Variants in MUCL1 observed in about 807,000 individuals in gnomAD.
MUCL1 encodes the protein mucin-like protein 1.
A neutral mutation model predicts 9.2 loss-of-function variants in MUCL1; 11 were observed. The ratio of observed to expected loss-of-function variants is 1.19; its 90% CI spans 0.75 to 1.97. The LOEUF (loss-of-function observed/expected upper bound fraction) is 1.97. Among genes scored for constraint, MUCL1 ranks in the 30% most tolerant of loss-of-function variants. The pLI is 0.00. For synonymous variants in MUCL1, 48 were observed against 40.5 expected (o/e 1.19, Z -0.71); for missense variants, 144 against 110.9 (o/e 1.30, Z -1.34).
upstream of MUCL1, among the ~76,000 whole-genome samples, chr12:54,852,510 G>C (rs968899787): frequency 3.3e-5 from 5 of 152,194 alleles, no homozygotes; most frequent in African/African-American, 9.7e-5. Flanking sequence ...ATTCATTCAA[G>C]ATGAAAAACT....
upstream of MUCL1, among the ~76,000 whole-genome samples, chr12:54,854,298 T>C (rs1440230958): frequency 1.3e-5 from 2 of 152,192 alleles, no homozygotes; most frequent in African/African-American, 4.8e-5. Flanking sequence ...AGAAGTTGCC[T>C]GGAGCATATT....
chr12:54,830,760 AT>A (rs1475372275), exon 1 of MUCL1: 1 of 152,140 alleles, frequency 6.6e-6, no homozygotes. Flanking sequence ...CTTGGCCTCC[AT>A]TGGGGGCTCT....
chr12:54,857,899 A>T (rs1268467294), intron 3 of MUCL1, among the ~76,000 whole-genome samples: 1 of 152,174 alleles, frequency 6.6e-6, no homozygotes, highest in Non-Finnish European at 1.5e-5. Context: ...CTCTCTTACC[A>T]GAAGAAGGCT....
rs745891351 is a variant in MUCL1, at chr12:54,854,600, C to A, written c.18C>A (p.Val6=). ...TCACCACCATGAAGTTCTTAGCAGT[C>A]CTGGTACTCTTGGGAGTTTCCATCT... is the stretch of plus-strand genomic sequence containing the variant. MKFLA[V]LVLLGVSIFL... Residue 6 remains valine (V), a synonymous_variant, in exon 1 of 4, where the codon GTC becomes GTA. Transcript: ENST00000308796. The A allele has an allele frequency of 1.2e-6, 2 of 1,613,494 alleles. No individual in the cohort carries two copies. Among genetic ancestry groups the A allele is most frequent in the Non-Finnish European group, 1.7e-6 (2 of 1,179,604 alleles).
upstream of MUCL1, among the ~76,000 whole-genome samples, chr12:54,852,176 CA>C (rs1313033244): frequency 6.6e-6 from 1 of 152,042 alleles, no homozygotes; most frequent in African/African-American, 2.4e-5. Context: ...CATATGGAAG[CA>C]AAAAAGAGCC....
chr12:54,836,050 G>A (rs1045062682), upstream of MUCL1, among the ~76,000 whole-genome samples: 3 of 151,906 alleles, frequency 2.0e-5, no homozygotes, highest in Non-Finnish European at 2.9e-5. Context: ...TTCTTTTTTT[G>A]TTGTTATGTC....
intron 1 of MUCL1, chr12:54,830,959 C>G (rs1342357594): frequency 1.3e-5 from 2 of 152,170 alleles, no homozygotes; most frequent in Non-Finnish European, 2.9e-5. Context: ...CAAAGAAAGT[C>G]TTAAAAATGT....
chr12:54,853,346 C>T (rs964324091), upstream of MUCL1, among the ~76,000 whole-genome samples: 1 of 152,106 alleles, frequency 6.6e-6, no homozygotes, highest in African/African-American at 2.4e-5. Flanking sequence ...TGTTTTCCTC[C>T]CTTGCTGTCT....
chr12:54,852,182 A>T (rs1868255327), upstream of MUCL1, among the ~76,000 whole-genome samples: 1 of 152,234 alleles, frequency 6.6e-6, no homozygotes, highest in African/African-American at 2.4e-5. Context: ...GAAGCAAAAA[A>T]GAGCCCACAT....
At chr12:54,849,737 AT>A (rs994670315), upstream of MUCL1, among the ~76,000 whole-genome samples, 24 of 152,128 alleles carry the variant, frequency 1.6e-4, no homozygotes, top group African/African-American at 5.8e-4. Context: ...TAATGAACAA[AT>A]TTGGTGTTAG....
At chr12:54,835,155 G>A (rs546523395), upstream of MUCL1, among the ~76,000 whole-genome samples, 20 of 152,078 alleles carry the variant, frequency 1.3e-4, 1 homozygote, top group South Asian at 2.3e-3. Context: ...TCACTCATTC[G>A]TTGATGGGCA....
At chr12:54,850,628 A>G (rs1215700651), upstream of MUCL1, among the ~76,000 whole-genome samples, 1 of 152,130 alleles carries the variant, frequency 6.6e-6, no homozygotes, top group Non-Finnish European at 1.5e-5. Flanking sequence ...ATACGTGTGC[A>G]TGTGTCTTTT....
chr12:54,853,377 A>G (rs542964337), upstream of MUCL1, among the ~76,000 whole-genome samples: 3 of 152,242 alleles, frequency 2.0e-5, no homozygotes, highest in Admixed American at 2.0e-4. Flanking sequence ...GCTTGGCTCC[A>G]TTATGACAAA....
chr12:54,856,942 C>T, intron 3 of MUCL1, 50 bp downstream of exon 3: 2 of 1,611,022 alleles, frequency 1.2e-6, no homozygotes, highest in Non-Finnish European at 1.7e-6. Flanking sequence ...CTCCTTGATT[C>T]CTTGGGTTCT....
At chr12:54,831,082 C>A (rs985701663) in intron 1 of MUCL1, among the ~76,000 whole-genome samples, 2 of 152,048 alleles carry the variant, frequency 1.3e-5, no homozygotes, top group Non-Finnish European at 2.9e-5. Context: ...TTTATATAAA[C>A]CAGAGAGTTT....
At chr12:54,834,663 CATT>C (rs1364544966), upstream of MUCL1, among the ~76,000 whole-genome samples, 1 of 151,884 alleles carries the variant, frequency 6.6e-6, no homozygotes, top group African/African-American at 2.4e-5. Flanking sequence ...AATACAGTAT[CATT>C]AATCATAATG....
At chr12:54,847,249 A>G (rs1346109323) in intron 1 of MUCL1, among the ~76,000 whole-genome samples, 1 of 152,188 alleles carries the variant, frequency 6.6e-6, no homozygotes, top group Non-Finnish European at 1.5e-5. Flanking sequence ...AATAGTGTTG[A>G]GCAATGAACC....
At chr12:54,851,503 G>T (rs11609301), upstream of MUCL1, among the ~76,000 whole-genome samples, 17 of 152,164 alleles carry the variant, frequency 1.1e-4, no homozygotes, top group African/African-American at 4.1e-4. Flanking sequence ...TTGATGGGAC[G>T]TATCTCAAAA....
intron 3 of MUCL1, among the ~76,000 whole-genome samples, chr12:54,857,366 T>C (rs1402397446): frequency 4.6e-5 from 7 of 152,046 alleles, no homozygotes; most frequent in African/African-American, 1.4e-4. Context: ...AATGAATGAT[T>C]TTACAATCTT....
Sources: allele counts gnomAD v4.1 joint callset (sites outside exome capture counted in the v4.1 genomes callset), GRCh38; gene constraint gnomAD v4.1.1; transcripts MANE v1.5; gene names NCBI Gene and HGNC (gene_info 2026-07-23, HGNC 2026-07-21).